The following TEAD4 variants were observed in gnomAD, a reference collection of about 807,000 sequenced individuals.
The protein encoded by TEAD4 is TEA domain transcription factor 4, also known as transcriptional enhancer factor TEF-3.
Under a neutral mutation model 52.4 loss-of-function variants are expected in TEAD4, and 36 were observed. The ratio of observed to expected loss-of-function variants is 0.69; its 90% CI spans 0.53 to 0.91. The LOEUF is 0.91. Ranked by LOEUF, TEAD4 falls within the 40% of genes least tolerant of loss-of-function variation. The pLI is 0.00. For missense variants in TEAD4, 508 were observed against 583.9 expected (o/e 0.87, Z 1.34); for synonymous variants, 220 against 231.0 (o/e 0.95, Z 0.43).
chr12:2,962,068 C>T (rs1240518492), intron 2 of TEAD4, among the ~76,000 whole-genome samples: 1 of 151,728 alleles, frequency 6.6e-6, no homozygotes, highest in Non-Finnish European at 1.5e-5. Flanking sequence ...ATTAGATACC[C>T]TAATGTCAGC....
intron 2 of TEAD4, among the ~76,000 whole-genome samples, chr12:2,967,915 G>T (rs1758705310): frequency 6.6e-6 from 1 of 152,106 alleles, no homozygotes; most frequent in African/African-American, 2.4e-5. Context: ...GGTAAGGTCT[G>T]TGTCAAGGGA....
At chr12:2,983,456 A>G (rs2098235731) in intron 2 of TEAD4, among the ~76,000 whole-genome samples, 2 of 152,140 alleles carry the variant, frequency 1.3e-5, no homozygotes, top group Non-Finnish European at 2.9e-5. Context: ...AACCACAGAT[A>G]CTGCTAGCAC....
chr12:3,002,824 TG>T (rs1185977517), intron 3 of TEAD4, among the ~76,000 whole-genome samples: 1 of 151,764 alleles, frequency 6.6e-6, no homozygotes, highest in Non-Finnish European at 1.5e-5. Flanking sequence ...GCAAGCTTCT[TG>T]GGGCTTCCTG....
intron 2 of TEAD4, among the ~76,000 whole-genome samples, chr12:2,967,863 A>G (rs535524486): frequency 5.3e-5 from 8 of 152,252 alleles, no homozygotes; most frequent in Admixed American, 1.3e-4. Flanking sequence ...CTGACTCTCA[A>G]ACTGCCCCAT....
intron 10 of TEAD4, among the ~76,000 whole-genome samples, chr12:3,030,194 G>A (rs2098274664): frequency 6.6e-6 from 1 of 152,112 alleles, no homozygotes; most frequent in African/African-American, 2.4e-5. Context: ...TTGTTTGTTG[G>A]TGTGTTTTTT....
chr12:3,040,610 C>G lies in TEAD4; in HGVS notation c.*132C>G. On this transcript the variant is annotated 3_prime_UTR_variant, in exon 13 of 13. Coordinates refer to ENST00000359864, the MANE Select transcript of TEAD4 (RefSeq NM_003213.4). ...GAGCAGTTGTGACTCTACCCAGGAACAAACTGTGCCTGAACCTGAGGTGCC... is the reference window on the plus strand; with the variant it reads ...GAGCAGTTGTGACTCTACCCAGGAAGAAACTGTGCCTGAACCTGAGGTGCC... 1 of 768,988 alleles carries G rather than the reference C, an allele frequency of 1.3e-6. No homozygotes were observed. Among genetic ancestry groups the G allele is most frequent in the Non-Finnish European group, 2.2e-6 (1 of 463,584 alleles). 47.6% of individuals were successfully genotyped at this position (768,988 alleles called of 1,614,324 possible). A position where few individuals can be genotyped will look rare whatever the true frequency, so the allele number is the denominator to read the frequency against.
intron 2 of TEAD4, among the ~76,000 whole-genome samples, chr12:2,971,113 C>T (rs1283713815): frequency 2.6e-5 from 4 of 152,202 alleles, no homozygotes; most frequent in African/African-American, 9.6e-5. Context: ...GAGTATGGAA[C>T]GGAAGCCCTG....
At chr12:3,033,124 G>A (rs1057249151) in intron 10 of TEAD4, among the ~76,000 whole-genome samples, 2 of 152,192 alleles carry the variant, frequency 1.3e-5, no homozygotes, top group Non-Finnish European at 2.9e-5. Context: ...GTGTGTGCTG[G>A]AGAGGCAATC....
At chr12:3,037,783 G>A (rs186354693) in intron 10 of TEAD4, among the ~76,000 whole-genome samples, 185 bp from the exon 11 acceptor site, 8 of 152,090 alleles carry the variant, frequency 5.3e-5, no homozygotes, top group African/African-American at 1.7e-4. Context: ...TAGGCAACAC[G>A]ACCTGATTTT....
At chr12:3,003,035 C>G (rs958117875) in intron 3 of TEAD4, among the ~76,000 whole-genome samples, 4 of 152,198 alleles carry the variant, frequency 2.6e-5, no homozygotes, top group African/African-American at 9.6e-5. Context: ...GCACCCCCAA[C>G]ACACACACCC....
intron 2 of TEAD4, among the ~76,000 whole-genome samples, chr12:2,972,702 TGTTGGTCAG>T (rs943190830): frequency 3.9e-5 from 6 of 152,144 alleles, no homozygotes; most frequent in Admixed American, 3.3e-4. Flanking sequence ...GGTTTCTCCA[TGTTGGTCAG>T]GTTGGTCTCG....
intron 5 of TEAD4, among the ~76,000 whole-genome samples, chr12:3,016,732 A>G (rs1356543695): frequency 1.3e-5 from 2 of 152,226 alleles, no homozygotes; most frequent in African/African-American, 2.4e-5. Flanking sequence ...ACTGGCTTAT[A>G]TGAATATAAC....
chr12:3,002,835 G>A (rs2098252750), intron 3 of TEAD4, among the ~76,000 whole-genome samples: 2 of 151,870 alleles, frequency 1.3e-5, no homozygotes, highest in Admixed American at 1.3e-4. Flanking sequence ...GGGGCTTCCT[G>A]GAGCTGTGGC....
At chr12:2,976,299 T>C (rs2098229611) in intron 2 of TEAD4, among the ~76,000 whole-genome samples, 1 of 150,958 alleles carries the variant, frequency 6.6e-6, no homozygotes, top group African/African-American at 2.4e-5. Flanking sequence ...GGCGTGAACC[T>C]CCACACCTGG....
At chr12:3,007,060 T>G (rs922855299) in intron 3 of TEAD4, among the ~76,000 whole-genome samples, 26 of 152,208 alleles carry the variant, frequency 1.7e-4, no homozygotes, top group African/African-American at 6.0e-4. Flanking sequence ...TGAGCTTGCC[T>G]TAGACCCCTT....
At chr12:2,983,485 C>T (rs574474469) in intron 2 of TEAD4, among the ~76,000 whole-genome samples, 1 of 152,178 alleles carries the variant, frequency 6.6e-6, no homozygotes, top group South Asian at 2.1e-4. Flanking sequence ...CCCTGGATCC[C>T]AAGGAGGGCA....
intron 11 of TEAD4, among the ~76,000 whole-genome samples, chr12:3,039,889 G>A (rs2098281647): frequency 6.6e-6 from 1 of 152,208 alleles, no homozygotes; most frequent in South Asian, 2.1e-4. Flanking sequence ...GTTTCACCAT[G>A]TTGGCCAGGC....
chr12:3,018,369 T>C (rs2098266091), intron 6 of TEAD4, among the ~76,000 whole-genome samples, 176 bp from the exon 7 acceptor site: 1 of 152,132 alleles, frequency 6.6e-6, no homozygotes, highest in Non-Finnish European at 1.5e-5. Flanking sequence ...GAGAGCCCCC[T>C]GAAACTCACT....
intron 2 of TEAD4, among the ~76,000 whole-genome samples, chr12:2,986,927 C>T (rs1372761445): frequency 2.0e-5 from 3 of 152,154 alleles, no homozygotes; most frequent in Non-Finnish European, 4.4e-5. Context: ...ATGGGACCCC[C>T]TTTGAATGAA....
Sources: allele counts gnomAD v4.1 joint callset (sites outside exome capture counted in the v4.1 genomes callset), GRCh38; gene constraint gnomAD v4.1.1; transcripts MANE v1.5; gene names NCBI Gene and HGNC (gene_info 2026-07-23, HGNC 2026-07-21).